The following PRKCI variants were observed in gnomAD, a reference collection of about 807,000 sequenced individuals.
PRKCI encodes protein kinase C iota type.
PRKCI carries 43 observed loss-of-function variants against 84.0 expected under a neutral mutation model. The observed-to-expected ratio is 0.51, with a 90% confidence interval of 0.40 to 0.66. The LOEUF (loss-of-function observed/expected upper bound fraction) is 0.66. Among genes scored for constraint, PRKCI ranks in the 30% least tolerant of loss-of-function variants. PRKCI has a pLI of 0.00. For synonymous variants in PRKCI, 216 were observed against 234.4 expected (o/e 0.92, Z 0.72); for missense variants, 459 against 745.6 (o/e 0.62, Z 4.48).
chr3:170,250,743 GGT>G (rs1733423915), intron 2 of PRKCI, among the ~76,000 whole-genome samples: 1 of 152,086 alleles, frequency 6.6e-6, no homozygotes, highest in South Asian at 2.1e-4. Context: ...CATTTCATAT[GGT>G]AACTGTTTAA....
intron 8 of PRKCI, among the ~76,000 whole-genome samples, chr3:170,276,863 A>AT (rs1734127220): frequency 6.6e-6 from 1 of 152,156 alleles, no homozygotes; most frequent in South Asian, 2.1e-4. Context: ...GAATGGGAGA[A>AT]AATAGTCACA....
intron 2 of PRKCI, among the ~76,000 whole-genome samples, chr3:170,255,645 A>C (rs995645666): frequency 1.3e-5 from 2 of 152,232 alleles, no homozygotes; most frequent in East Asian, 1.9e-4. Flanking sequence ...GATGCCCTTT[A>C]TTTCTTTCTC....
rs1326767901 is a variant in PRKCI, at chr3:170,260,076, T to C, written c.313+18T>C. The C allele has an allele frequency of 1.3e-6, 2 of 1,491,102 alleles. No homozygotes were observed. The highest frequency in any genetic ancestry group is 1.4e-5 in the African/African-American group (1 of 72,106). The allele number at this position is 1,491,102 out of a possible 1,614,324, so 92.4% of individuals were successfully genotyped here. A position where few individuals can be genotyped will look rare whatever the true frequency, so the allele number is the denominator to read the frequency against. Reference sequence around the variant, plus strand: ...GATTCATGGTAAGAGAGTAGTCATTTCATACTCGTCCAGACTGATAATTTC... The same window carrying C: ...GATTCATGGTAAGAGAGTAGTCATTCCATACTCGTCCAGACTGATAATTTC... On this transcript the variant is annotated intron_variant, in intron 3 of 17. Coordinates refer to ENST00000295797, the MANE Select transcript of PRKCI (RefSeq NM_002740.6).
At chr3:170,291,068 G>C (rs944391994) in intron 12 of PRKCI, among the ~76,000 whole-genome samples, 3 of 151,864 alleles carry the variant, frequency 2.0e-5, no homozygotes, top group Admixed American at 6.6e-5. Flanking sequence ...TCCGGGAGGC[G>C]GAGGTTGCAG....
At chr3:170,291,982 A>T in intron 13 of PRKCI, 41 bp downstream of exon 13, 1 of 1,399,182 alleles carries the variant, frequency 7.1e-7, no homozygotes, top group Non-Finnish European at 1.0e-6. Flanking sequence ...CTATTGCTAG[A>T]TGGGTGGTAA....
At chr3:170,235,413 G>C (rs71277166) in intron 2 of PRKCI, 62 bp downstream of exon 2, 32,606 of 1,565,128 alleles carry the variant, frequency 0.021, 469 homozygotes, top group East Asian at 0.079. Flanking sequence ...ATCATTTGTT[G>C]TAAAAATATA....
intron 5 of PRKCI, 151 bp from the exon 6 acceptor site, chr3:170,270,270 A>G (rs539345415): frequency 7.3e-6 from 5 of 686,666 alleles, no homozygotes; most frequent in South Asian, 9.5e-5. Flanking sequence ...TTAAAAAATT[A>G]TGTATGAGGA....
chr3:170,267,042 G>A (rs1160590804), intron 4 of PRKCI, among the ~76,000 whole-genome samples: 1 of 152,076 alleles, frequency 6.6e-6, no homozygotes, highest in Non-Finnish European at 1.5e-5. Flanking sequence ...TATATGAATT[G>A]TATACTGGTT....
In PRKCI at chr3:170,270,963, G is replaced by GTTATTT. The variant is rs1298146908; in HGVS notation, c.591+402_591+403insTTATTT. On this transcript the variant is annotated intron_variant, in intron 6 of 17. Coordinates refer to ENST00000295797, the MANE Select transcript of PRKCI (RefSeq NM_002740.6). ...GTATCATGTTTGTTATTTAAACTGT[G>GTTATTT]AGATTACTGGCGAGGAAAGCATTTA... 3.2e-3 allele frequency among the ~76,000 whole-genome samples: 494 copies of GTTATTT among 152,136 alleles called. 4 individuals are homozygous for GTTATTT. Among genetic ancestry groups the GTTATTT allele is most frequent in the African/African-American group, 0.012 (483 of 41,510 alleles).
chr3:170,256,338 C>T (rs1798227), intron 2 of PRKCI, among the ~76,000 whole-genome samples: 20,439 of 152,078 alleles, frequency 0.13, 1,663 homozygotes, highest in Non-Finnish European at 0.19. Flanking sequence ...ATTATGGCTT[C>T]GATCTCATTA....
At chr3:170,254,403 C>T (rs1410285073) in intron 2 of PRKCI, among the ~76,000 whole-genome samples, 1 of 152,138 alleles carries the variant, frequency 6.6e-6, no homozygotes, top group Non-Finnish European at 1.5e-5. Flanking sequence ...GGAGAGTTTC[C>T]ACAGTTTTTT....
chr3:170,261,293 T>C (rs1323004768), intron 3 of PRKCI, among the ~76,000 whole-genome samples: 1 of 151,868 alleles, frequency 6.6e-6, no homozygotes. Context: ...TGCATTTAAT[T>C]GCAATATATT....
At chr3:170,229,623 G>T (rs557687737) in intron 1 of PRKCI, among the ~76,000 whole-genome samples, 21 of 152,218 alleles carry the variant, frequency 1.4e-4, no homozygotes, top group African/African-American at 4.8e-4. Flanking sequence ...TCTTTTTTCG[G>T]ATTGATGAAC....
At chr3:170,233,113 C>A (rs573496540) in intron 1 of PRKCI, among the ~76,000 whole-genome samples, 57 of 151,736 alleles carry the variant, frequency 3.8e-4, no homozygotes, top group African/African-American at 1.3e-3. Context: ...ATAATCCTGC[C>A]TAAACCAATT....
intron 2 of PRKCI, among the ~76,000 whole-genome samples, chr3:170,245,950 T>TTTTTTTTTTTTGTTTG (rs1491090525): frequency 2.3e-5 from 1 of 44,348 alleles, no homozygotes; most frequent in African/African-American, 1.3e-4. Context: ...TATGTCTTTG[T>TTTTTTTTTTTTGTTTG]TTTTTTTTTT....
At chr3:170,262,892 C>G (rs1283020277) in intron 3 of PRKCI, among the ~76,000 whole-genome samples, 2 of 148,944 alleles carry the variant, frequency 1.3e-5, no homozygotes, top group Non-Finnish European at 3.0e-5. Context: ...CTTTTGTGGC[C>G]GGGCGCGGTG....
chr3:170,261,741 C>T (rs948353474), intron 3 of PRKCI, among the ~76,000 whole-genome samples: 2 of 152,174 alleles, frequency 1.3e-5, no homozygotes, highest in African/African-American at 2.4e-5. Flanking sequence ...GCCTTGGCCT[C>T]CCAAAGTTCT....
chr3:170,228,573 TCA>T (rs200462626), intron 1 of PRKCI, among the ~76,000 whole-genome samples: 2 of 150,846 alleles, frequency 1.3e-5, no homozygotes, highest in Admixed American at 6.6e-5. Flanking sequence ...AGACCCTGTC[TCA>T]CACACACACA....
Position 170,234,323 on chromosome 3 carries a change from G to A in PRKCI, c.102-907G>A, listed in dbSNP as rs757652840. ...TGGGGTTACAGGTGTGAGCCACCAC[G>A]CCCAGCCTTATACTTATACTTTTTA... is the stretch of plus-strand genomic sequence containing the variant. On this transcript the variant is annotated intron_variant, in intron 1 of 17. Transcript: ENST00000295797. Among the ~76,000 whole-genome samples the A allele has an allele frequency of 3.3e-5, 5 of 151,772 alleles. No individual in the cohort carries two copies. In the East Asian group the frequency reaches 5.8e-4, roughly 18 times the overall value.
Sources: allele counts gnomAD v4.1 joint callset (sites outside exome capture counted in the v4.1 genomes callset), GRCh38; gene constraint gnomAD v4.1.1; transcripts MANE v1.5; gene names NCBI Gene and HGNC (gene_info 2026-07-23, HGNC 2026-07-21).